Variants in ANO2 observed in about 807,000 individuals in gnomAD.
ANO2 encodes anoctamin-2.
In ANO2, 101 loss-of-function variants were observed where a neutral mutation model predicts 124.2. The ratio of observed to expected loss-of-function variants is 0.81; its 90% CI spans 0.69 to 0.96. The LOEUF (loss-of-function observed/expected upper bound fraction) is 0.96. Among genes scored for constraint, ANO2 ranks in the 40% least tolerant of loss-of-function variants. The probability of loss-of-function intolerance (pLI) is 0.00; values close to 1 mark genes in which losing one functional copy is unlikely to be tolerated. For missense variants in ANO2, 1,293 were observed against 1,274.5 expected, an observed-to-expected ratio of 1.01 and a Z score of -0.22; for synonymous variants, 486 against 482.5, an observed-to-expected ratio of 1.01 and a Z score of -0.09.
chr12:5,607,327 G>T (rs1944270348), intron 19 of ANO2, among the ~76,000 whole-genome samples: 1 of 152,006 alleles, frequency 6.6e-6, no homozygotes, highest in African/African-American at 2.4e-5. Context: ...CCCAAGAATG[G>T]TTCTTTTTTC....
chr12:5,711,562 T>C (rs1949821069), intron 14 of ANO2, among the ~76,000 whole-genome samples: 2 of 152,168 alleles, frequency 1.3e-5, no homozygotes, highest in Non-Finnish European at 2.9e-5. Context: ...AGAATAAAAA[T>C]TGCAGGTCTC....
chr12:5,573,023 T>C (rs930052890), intron 23 of ANO2, among the ~76,000 whole-genome samples: 2 of 152,180 alleles, frequency 1.3e-5, no homozygotes, highest in East Asian at 3.8e-4. Flanking sequence ...CCTGGTGTCC[T>C]GGGCATTGGT....
intron 23 of ANO2, among the ~76,000 whole-genome samples, chr12:5,574,736 G>A (rs1029194015): frequency 6.6e-6 from 1 of 152,132 alleles, no homozygotes; most frequent in Non-Finnish European, 1.5e-5. Flanking sequence ...ACCAACTCTA[G>A]CCCATTGTCC....
At chr12:5,681,011 G>A (rs1212803756) in intron 14 of ANO2, among the ~76,000 whole-genome samples, 2 of 152,168 alleles carry the variant, frequency 1.3e-5, no homozygotes, top group Non-Finnish European at 2.9e-5. Context: ...GCAGAATAAA[G>A]GGGAACATGG....
intron 14 of ANO2, among the ~76,000 whole-genome samples, chr12:5,667,601 T>C (rs1289780862): frequency 6.6e-6 from 1 of 152,162 alleles, no homozygotes; most frequent in Non-Finnish European, 1.5e-5. Context: ...GTTTGTTACA[T>C]AGGTAAACGT....
At chr12:5,690,048 C>T (rs7976304) in intron 14 of ANO2, among the ~76,000 whole-genome samples, 56,106 of 151,848 alleles carry the variant, frequency 0.37, 12,070 homozygotes, top group East Asian at 0.59. Context: ...CCTGTACAAG[C>T]AGGCACAGCA....
chr12:5,913,976 C>T lies in ANO2; in HGVS notation c.534+7064G>A, dbSNP rs769238189. On this transcript the variant is annotated intron_variant, in intron 3 of 24. Coordinates refer to ENST00000682330, the MANE Select transcript of ANO2 (RefSeq NM_001364791.2). ...GAAGCCTTTGGGACGCCGAGACAGG[C>T]GGATCACACAGTCAGGAGTTGGAGA... is the stretch of plus-strand genomic sequence containing the variant. Among the ~76,000 whole-genome samples, 8 of 152,180 alleles carry T rather than the reference C, an allele frequency of 5.3e-5. No individual in the cohort carries two copies. The East Asian group carries it at 5.8e-4, about 11-fold the overall frequency.
chr12:5,850,938 G>GA lies in ANO2; in HGVS notation c.633+3104dup, dbSNP rs781091757. 3.9e-5 allele frequency among the ~76,000 whole-genome samples: 6 copies of GA among 152,298 alleles called. No homozygotes were observed. In the East Asian group the frequency reaches 1.2e-3, roughly 29 times the overall value. ...TCAGATCCTTACAAAAACCTTCTAA[G>GA]AAAAATAGGACAGGTATGAGTATGC... On this transcript the variant is annotated intron_variant, in intron 4 of 24. Transcript: ENST00000682330.
chr12:5,938,591 C>A (rs1942756450), intron 1 of ANO2, among the ~76,000 whole-genome samples: 1 of 152,040 alleles, frequency 6.6e-6, no homozygotes, highest in African/African-American at 2.4e-5. Context: ...GAGATCGAAG[C>A]AAATGGATTA....
intron 20 of ANO2, among the ~76,000 whole-genome samples, chr12:5,586,235 A>G (rs1251925969): frequency 6.6e-6 from 1 of 152,194 alleles, no homozygotes; most frequent in Non-Finnish European, 1.5e-5. Flanking sequence ...TAGGGCAGAT[A>G]ACACCAAGCA....
chr12:5,676,318 G>A (rs2111168), intron 14 of ANO2, among the ~76,000 whole-genome samples: 68,884 of 152,062 alleles, frequency 0.45, 17,097 homozygotes, highest in Middle Eastern at 0.61. Flanking sequence ...AACATGCTGG[G>A]CAGTCACTTG....
At chr12:5,811,990 G>A (rs1953402194) in intron 7 of ANO2, among the ~76,000 whole-genome samples, 1 of 150,140 alleles carries the variant, frequency 6.7e-6, no homozygotes, top group African/African-American at 2.5e-5. Flanking sequence ...AACTCCTCCT[G>A]CTTTGCCATT....
chr12:5,568,136 CTTTT>C (rs71445654), intron 23 of ANO2, among the ~76,000 whole-genome samples: 4 of 112,766 alleles, frequency 3.5e-5, no homozygotes, highest in Non-Finnish European at 5.5e-5. Flanking sequence ...CCACCCTATG[CTTTT>C]TTTTTTTTTT....
intron 3 of ANO2, among the ~76,000 whole-genome samples, chr12:5,889,985 A>G (rs971790936): frequency 1.4e-4 from 21 of 152,236 alleles, no homozygotes; most frequent in African/African-American, 5.1e-4. Context: ...GCAGGTTCAC[A>G]GATGGGAAAT....
At chr12:5,572,641 G>A (rs1013379096) in intron 23 of ANO2, among the ~76,000 whole-genome samples, 7 of 152,174 alleles carry the variant, frequency 4.6e-5, no homozygotes, top group African/African-American at 1.7e-4. Context: ...CCAATGCCAA[G>A]CCTTTAGTAG....
intron 19 of ANO2, among the ~76,000 whole-genome samples, chr12:5,604,194 G>T (rs1386941607): frequency 2.6e-5 from 4 of 152,154 alleles, no homozygotes; most frequent in Non-Finnish European, 4.4e-5. Context: ...AATCAGCGAT[G>T]ATTCTCATGG....
At chr12:5,695,580 C>A (rs1017189828) in intron 14 of ANO2, among the ~76,000 whole-genome samples, 1 of 152,230 alleles carries the variant, frequency 6.6e-6, no homozygotes, top group Non-Finnish European at 1.5e-5. Context: ...GTGGCTCATG[C>A]CTGCAATCCC....
At chr12:5,587,526 C>G (rs544654825) in intron 20 of ANO2, among the ~76,000 whole-genome samples, 2 of 152,172 alleles carry the variant, frequency 1.3e-5, no homozygotes, top group Non-Finnish European at 2.9e-5. Context: ...CTGTGAGGGG[C>G]CTGCGGCAAT....
intron 3 of ANO2, among the ~76,000 whole-genome samples, chr12:5,911,552 G>A (rs529253689): frequency 2.0e-5 from 3 of 152,286 alleles, no homozygotes; most frequent in South Asian, 4.1e-4. Context: ...AGGAAGCACG[G>A]GTGATACTCA....
Sources: allele counts gnomAD v4.1 joint callset (sites outside exome capture counted in the v4.1 genomes callset), GRCh38; gene constraint gnomAD v4.1.1; transcripts MANE v1.5; gene names NCBI Gene and HGNC (gene_info 2026-07-23, HGNC 2026-07-21).